DGKD: variants seen among roughly 807,000 people sequenced by gnomAD.
The protein encoded by DGKD is DAG kinase delta.
In DGKD, 68 loss-of-function variants were observed where a neutral mutation model predicts 154.4. The ratio of observed to expected loss-of-function variants is 0.44; its 90% CI spans 0.36 to 0.54. The LOEUF is 0.54. DGKD is among the 20% of genes least tolerant of loss of function. DGKD has a pLI of 0.00. For synonymous variants in DGKD, 693 were observed against 638.0 expected (o/e 1.09, Z -1.30); for missense variants, 1,343 against 1,593.6 (o/e 0.84, Z 2.68).
At chr2:233,383,647 G>A (rs1234789437) in intron 1 of DGKD, among the ~76,000 whole-genome samples, 5 of 152,184 alleles carry the variant, frequency 3.3e-5, no homozygotes, top group East Asian at 1.9e-4. Context: ...AGGAGCTCAC[G>A]CGTGTGGTGT....
At chr2:233,463,472 TG>T (rs2063724690) in intron 26 of DGKD, among the ~76,000 whole-genome samples, 1 of 104,402 alleles carries the variant, frequency 9.6e-6, no homozygotes, top group Admixed American at 9.6e-5. Flanking sequence ...ATGTCCTCAC[TG>T]CACGCATGTC....
intron 1 of DGKD, chr2:233,386,128 A>C: frequency 3.0e-6 from 1 of 328,098 alleles, no homozygotes; most frequent in Non-Finnish European, 6.2e-6. Flanking sequence ...ATAACTTATA[A>C]CTTTTCTGGG....
intron 7 of DGKD, among the ~76,000 whole-genome samples, chr2:233,437,106 A>G (rs1413929444): frequency 2.0e-5 from 3 of 152,202 alleles, no homozygotes; most frequent in Non-Finnish European, 4.4e-5. Flanking sequence ...GAAGGGCCAG[A>G]AGGTTGGGTA....
intron 1 of DGKD, among the ~76,000 whole-genome samples, chr2:233,363,136 GTCCT>G (rs2125380026): frequency 6.6e-6 from 1 of 152,258 alleles, no homozygotes; most frequent in East Asian, 1.9e-4. Context: ...CCTCAAGCAG[GTCCT>G]TCAGGAGGTA....
chr2:233,447,686 AGT>A lies in DGKD; in HGVS notation c.1420-394_1420-393del, dbSNP rs1418372527. The A allele has an allele frequency of 2.8e-6, 3 of 1,063,786 alleles. No individual in the cohort carries two copies. The East Asian group carries it at 2.6e-4, about 92-fold the overall frequency. The allele number at this position is 1,063,786 out of a possible 1,614,324, so 65.9% of individuals were successfully genotyped here. A position where few individuals can be genotyped will look rare whatever the true frequency, so the allele number is the denominator to read the frequency against. On this transcript the variant is annotated intron_variant, in intron 12 of 29. Transcript: ENST00000264057. ...AGCCAGAACAGATGGTGGGGGCAGGAGTGTGTGTCCAGATGGGGCTCACAGCC... is the reference window on the plus strand; with the variant it reads ...AGCCAGAACAGATGGTGGGGGCAGGAGTGTGTCCAGATGGGGCTCACAGCC...
chr2:233,444,386 C>A (rs189341601), intron 10 of DGKD, among the ~76,000 whole-genome samples: 1 of 152,090 alleles, frequency 6.6e-6, no homozygotes, highest in Admixed American at 6.5e-5. Context: ...TGTGCACCCC[C>A]CAAGCACGAT....
chr2:233,467,166 C>G lies in DGKD; in HGVS notation c.3387C>G (p.Asn1129Lys). 1 of 1,614,190 alleles carries G rather than the reference C, an allele frequency of 6.2e-7. No individual in the cohort carries two copies. Among genetic ancestry groups the G allele is most frequent in the Non-Finnish European group, 8.5e-7 (1 of 1,180,012 alleles). ...LVTKFKKEKNNKNKEAHSSLG... is the reference protein window; with the variant it reads ...LVTKFKKEKNKKNKEAHSSLG... ...CCAAGTTTAAAAAGGAGAAAAACAA[C>G]AAGAACAAAGAAGCTCACAGTAGCC... Residue 1129 changes from asparagine to lysine, a missense_variant, in exon 28 of 30, where the codon AAC (asparagine) becomes AAG (lysine). Physicochemically the swap from Asn to Lys is moderately conservative, Grantham distance 94. Transcript: ENST00000264057.
intron 1 of DGKD, among the ~76,000 whole-genome samples, chr2:233,385,437 T>C (rs1007793296): frequency 2.0e-5 from 3 of 152,210 alleles, no homozygotes; most frequent in African/African-American, 7.2e-5. Context: ...TTAAGAGTTT[T>C]CTCGGTGCTG....
At chr2:233,424,617 G>A (rs953757194) in intron 3 of DGKD, among the ~76,000 whole-genome samples, 11 of 152,232 alleles carry the variant, frequency 7.2e-5, no homozygotes, top group Admixed American at 4.6e-4. Flanking sequence ...TGGCCCTGGT[G>A]TGAGGCACCA....
Position 233,451,026 on chromosome 2 carries a change from C to T in DGKD, c.2143C>T (p.Leu715Phe), listed in dbSNP as rs762670416. The change falls in exon 17 of 30, where the codon CTC becomes TTC. Residue 715 changes from leucine (L) to phenylalanine (F), a missense_variant. By Grantham distance (22) the Leu-to-Phe change is conservative (BLOSUM62 0). This residue lies in a region of DGKD where 409 missense variants were observed against 446.0 expected (regional missense o/e 0.92). Coordinates refer to ENST00000264057, the MANE Select transcript of DGKD (RefSeq NM_152879.3). Reference protein sequence around the residue: ...QPGSRDGLPALNTKILYPNVR... With the variant: ...QPGSRDGLPAFNTKILYPNVR... ...GGGAAGCCGGGACGGCCTGCCTGCG[C>T]TCAACACCAAGATCCTGTACCCAAG... 8.7e-6 allele frequency: 14 copies of T among 1,611,814 alleles called. No individual in the cohort carries two copies. In the East Asian group the frequency reaches 2.5e-4, roughly 28 times the overall value.
At chr2:233,394,012 T>G (rs1366612450) in intron 3 of DGKD, among the ~76,000 whole-genome samples, 1 of 152,170 alleles carries the variant, frequency 6.6e-6, no homozygotes, top group Non-Finnish European at 1.5e-5. Flanking sequence ...TTACGAAATA[T>G]GTTGTTCAAG....
At chr2:233,420,200 C>T (rs922561733) in intron 3 of DGKD, among the ~76,000 whole-genome samples, 8 of 152,168 alleles carry the variant, frequency 5.3e-5, no homozygotes, top group African/African-American at 1.7e-4. Flanking sequence ...TCCCCTCCCC[C>T]AGTTCCCTCA....
At chr2:233,456,803 T>TG in intron 19 of DGKD, 96 bp from the exon 20 acceptor site, 1 of 864,608 alleles carries the variant, frequency 1.2e-6, no homozygotes, top group East Asian at 2.5e-5. Flanking sequence ...AGCTGATTTG[T>TG]GGGTCAGATG....
At chr2:233,366,359 C>T (rs1032023662) in intron 1 of DGKD, among the ~76,000 whole-genome samples, 7 of 151,916 alleles carry the variant, frequency 4.6e-5, no homozygotes, top group African/African-American at 9.7e-5. Context: ...GTGGCTGTGG[C>T]GATGGGGGAA....
intron 27 of DGKD, among the ~76,000 whole-genome samples, chr2:233,465,385 TTCC>T (rs1209158863): frequency 2.6e-5 from 4 of 152,182 alleles, no homozygotes; most frequent in Non-Finnish European, 5.9e-5. Context: ...GCATGTTAAA[TTCC>T]TCCTCTTACA....
chr2:233,359,908 A>T (rs915772202), intron 1 of DGKD, among the ~76,000 whole-genome samples: 5 of 152,206 alleles, frequency 3.3e-5, no homozygotes, highest in African/African-American at 1.2e-4. Context: ...TTGAGAGGAC[A>T]TCATAGGTGA....
At chr2:233,427,497 C>G (rs6713866) in intron 3 of DGKD, among the ~76,000 whole-genome samples, 1 of 151,938 alleles carries the variant, frequency 6.6e-6, no homozygotes, top group East Asian at 1.9e-4. Context: ...CATGCCACCA[C>G]GTCCAGCTAT....
intron 19 of DGKD, among the ~76,000 whole-genome samples, chr2:233,455,837 G>A (rs565042675): frequency 6.6e-6 from 1 of 152,166 alleles, no homozygotes; most frequent in Non-Finnish European, 1.5e-5. Flanking sequence ...GAAAACAAAA[G>A]CATCAGAACT....
In DGKD at chr2:233,460,174, T is replaced by G. The variant is rs2063581603; in HGVS notation, c.2830-20T>G. ...GCATGCTTCAGAGCAGCAGGTGTAA[T>G]TGGGCTTTCGGGTCCATAGGCATTT... On this transcript the variant is annotated intron_variant, in intron 23 of 29. Coordinates refer to ENST00000264057, the MANE Select transcript of DGKD (RefSeq NM_152879.3). 1 of 1,612,692 alleles carries G rather than the reference T, an allele frequency of 6.2e-7. No homozygotes were observed. Among genetic ancestry groups the G allele is most frequent in the South Asian group, 1.1e-5 (1 of 90,988 alleles).
Sources: allele counts gnomAD v4.1 joint callset (sites outside exome capture counted in the v4.1 genomes callset), GRCh38; gene constraint gnomAD v4.1.1; regional missense constraint gnomAD v4.1.1; transcripts MANE v1.5; gene names NCBI Gene and HGNC (gene_info 2026-07-23, HGNC 2026-07-21).